LARGE1: variants seen among roughly 807,000 people sequenced by gnomAD.
The protein encoded by LARGE1 is xylosyl- and glucuronyltransferase LARGE1.
A neutral mutation model predicts 87.6 loss-of-function variants in LARGE1; 43 were observed. The ratio of observed to expected loss-of-function variants is 0.49; its 90% confidence interval spans 0.38 to 0.63. The LOEUF (loss-of-function observed/expected upper bound fraction) is 0.63, where lower values mean the gene tolerates loss of function less well. Ranked by LOEUF, LARGE1 falls within the 30% of genes least tolerant of loss-of-function variation. The probability of loss-of-function intolerance (pLI) is 0.00; values close to 1 mark genes in which losing one functional copy is unlikely to be tolerated. For synonymous variants in LARGE1, 434 were observed against 394.6 expected (o/e 1.10, Z -1.18); for missense variants, 802 against 1,000.2 (o/e 0.80, Z 2.67).
At chr22:33,467,238 C>T (rs535348457) in intron 6 of LARGE1, among the ~76,000 whole-genome samples, 1 of 152,276 alleles carries the variant, frequency 6.6e-6, no homozygotes, top group South Asian at 2.1e-4. Context: ...TTGTGACCCT[C>T]AGCTCGGTGT....
intron 2 of LARGE1, among the ~76,000 whole-genome samples, chr22:33,705,474 G>A (rs936318226): frequency 4.6e-5 from 7 of 152,082 alleles, no homozygotes; most frequent in African/African-American, 1.7e-4. Context: ...CACTGCTCAC[G>A]TCTCTACTTC....
intron 2 of LARGE1, among the ~76,000 whole-genome samples, chr22:33,696,235 TTTTCTTTCTTTC>T (rs200751894): frequency 1.2e-3 from 153 of 127,462 alleles, no homozygotes; most frequent in African/African-American, 4.3e-3. Context: ...TATTCAGTAT[TTTTCTTTCTTTC>T]TTTCTTTCTT....
intron 4 of LARGE1, among the ~76,000 whole-genome samples, chr22:33,622,268 G>A (rs767636445): frequency 2.0e-5 from 3 of 152,158 alleles, no homozygotes; most frequent in Non-Finnish European, 4.4e-5. Flanking sequence ...GATAGTGAGC[G>A]AGTGAGTTCT....
In LARGE1 at chr22:33,887,631, G is replaced by A. The variant is rs139949411; in HGVS notation, c.-83+32364C>T. On this transcript the variant is annotated intron_variant, in intron 1 of 14. Transcript: ENST00000397394. ...TGGGTGCCTGTAATCCCAGCTACTC[G>A]GGGGACTGAGGCAGGAGAACTGCTT... Among the ~76,000 whole-genome samples, 135 of 152,104 alleles carry A rather than the reference G, an allele frequency of 8.9e-4. 1 individual carries two copies. Among genetic ancestry groups the A allele is most frequent in the Admixed American group, 5.4e-3 (82 of 15,288 alleles).
chr22:33,392,272 T>C (rs1366051453), intron 7 of LARGE1, among the ~76,000 whole-genome samples: 5 of 152,074 alleles, frequency 3.3e-5, no homozygotes, highest in African/African-American at 1.2e-4. Flanking sequence ...AATATGATTC[T>C]TGAAAAAAGT....
chr22:33,874,516 T>C (rs984563633), intron 1 of LARGE1, among the ~76,000 whole-genome samples: 1 of 152,240 alleles, frequency 6.6e-6, no homozygotes, highest in Non-Finnish European at 1.5e-5. Context: ...TTATTTTAAA[T>C]GGATTATAAA....
chr22:33,428,787 G>T (rs867739379), intron 7 of LARGE1, among the ~76,000 whole-genome samples: 2 of 148,346 alleles, frequency 1.3e-5, no homozygotes, highest in South Asian at 2.1e-4. Context: ...AAAATTAGCC[G>T]GGCGTGGTGG....
intron 2 of LARGE1, among the ~76,000 whole-genome samples, chr22:33,711,291 C>G (rs111287093): frequency 0.035 from 5,336 of 152,276 alleles, 127 homozygotes; most frequent in Non-Finnish European, 0.051. Flanking sequence ...GGATAGGAGA[C>G]AGGGAAGAAC....
intron 7 of LARGE1, among the ~76,000 whole-genome samples, chr22:33,399,320 C>CT (rs1298772674): frequency 6.6e-6 from 1 of 152,122 alleles, no homozygotes; most frequent in African/African-American, 2.4e-5. Flanking sequence ...TGAACTCATT[C>CT]TTTTTTATGG....
chr22:33,623,996 C>T (rs2079840183), intron 4 of LARGE1, among the ~76,000 whole-genome samples: 1 of 152,014 alleles, frequency 6.6e-6, no homozygotes, highest in Non-Finnish European at 1.5e-5. Flanking sequence ...TGCCACTGCA[C>T]TCCAGCCTTG....
At chr22:33,668,667 A>G (rs2081329589) in intron 2 of LARGE1, among the ~76,000 whole-genome samples, 2 of 152,180 alleles carry the variant, frequency 1.3e-5, no homozygotes, top group Admixed American at 6.5e-5. Flanking sequence ...GGTACGGAAG[A>G]GAGAGTGATT....
chr22:33,216,597 C>CAAAAAA (rs71673655), intron 11 of LARGE1, among the ~76,000 whole-genome samples: 4 of 122,550 alleles, frequency 3.3e-5, no homozygotes, highest in African/African-American at 3.1e-5. Flanking sequence ...CACTCCATCT[C>CAAAAAA]AAAAAAAAAA....
At chr22:33,695,732 T>C (rs956987830) in intron 2 of LARGE1, among the ~76,000 whole-genome samples, 1 of 152,176 alleles carries the variant, frequency 6.6e-6, no homozygotes, top group Non-Finnish European at 1.5e-5. Context: ...ATGGGTTTTT[T>C]CCCCGCCTTC....
At chr22:33,905,401 GCCGTGCC>G (rs1398655786) in intron 1 of LARGE1, among the ~76,000 whole-genome samples, 1 of 152,016 alleles carries the variant, frequency 6.6e-6, no homozygotes, top group Non-Finnish European at 1.5e-5. Context: ...AACTTGTACT[GCCGTGCC>G]TATTTTTAGG....
At chr22:33,842,843 T>C (rs13058342) in intron 1 of LARGE1, among the ~76,000 whole-genome samples, 33,839 of 152,026 alleles carry the variant, frequency 0.22, 3,907 homozygotes, top group Admixed American at 0.35. Flanking sequence ...GCTGGGATGT[T>C]ACTCTTGAGA....
intron 1 of LARGE1, among the ~76,000 whole-genome samples, chr22:33,806,733 C>G (rs573795266): frequency 3.6e-4 from 55 of 152,232 alleles, no homozygotes; most frequent in Non-Finnish European, 6.5e-4. Flanking sequence ...CTTCCTTGGC[C>G]GGGCGTGATG....
intron 6 of LARGE1, among the ~76,000 whole-genome samples, chr22:33,548,790 T>G (rs2077440121): frequency 1.3e-5 from 2 of 152,234 alleles, no homozygotes; most frequent in Admixed American, 6.5e-5. Context: ...GTATACAATG[T>G]CTCAAAAATA....
the LARGE1 span, among the ~76,000 whole-genome samples, chr22:33,088,435 C>T: frequency 6.6e-6 from 1 of 152,112 alleles, no homozygotes; most frequent in African/African-American, 2.4e-5. Context: ...TATTTCTATT[C>T]ATAGGTTTTA....
At chr22:33,105,111 C>T in the LARGE1 span, among the ~76,000 whole-genome samples, 1 of 151,906 alleles carries the variant, frequency 6.6e-6, no homozygotes. Flanking sequence ...GATTCTCCTG[C>T]CTCAGCCTCC....
Sources: allele counts gnomAD v4.1 joint callset (sites outside exome capture counted in the v4.1 genomes callset), GRCh38; gene constraint gnomAD v4.1.1; transcripts MANE v1.5; gene names NCBI Gene and HGNC (gene_info 2026-07-23, HGNC 2026-07-21).